Variants in DBH observed in about 807,000 individuals in gnomAD.
DBH encodes dopamine beta-hydroxylase.
Under a neutral mutation model 64.0 loss-of-function variants are expected in DBH, and 49 were observed. The observed-to-expected ratio is 0.77, with a 90% CI of 0.61 to 0.97. The LOEUF (loss-of-function observed/expected upper bound fraction) is 0.97, where lower values mean the gene tolerates loss of function less well. DBH is among the 50% of genes least tolerant of loss of function. The pLI is 0.00. For missense variants in DBH, 828 were observed against 826.6 expected (o/e 1.00, Z -0.02); for synonymous variants, 343 against 347.1 (o/e 0.99, Z 0.13).
chr9:133,651,394 G>A (rs898498503), intron 6 of DBH, among the ~76,000 whole-genome samples: 2 of 152,234 alleles, frequency 1.3e-5, no homozygotes, highest in Admixed American at 6.5e-5. Flanking sequence ...AAAGAAAGTC[G>A]CTCCTGAGTG....
At position 133,642,572 on chromosome 9, in the gene DBH, T is replaced by A. The variant is rs1428988265; in HGVS notation, c.744+108T>A. On this transcript the variant is annotated intron_variant, in intron 3 of 11. Coordinates refer to ENST00000393056, the MANE Select transcript of DBH (RefSeq NM_000787.4). ...TCCACAGTCCTGGTTGGACCAGGTG[T>A]CCTCTTATCACTGGAACCTCAGGCA... The A allele has an allele frequency of 3.6e-6, 5 of 1,391,366 alleles. No individual in the cohort carries two copies. The African/African-American group carries it at 7.1e-5, about 20-fold the overall frequency. 86.2% of individuals were successfully genotyped at this position (1,391,366 alleles called of 1,614,324 possible).
At chr9:133,657,610 G>T (rs1225032373) in intron 11 of DBH, among the ~76,000 whole-genome samples, 1 of 152,190 alleles carries the variant, frequency 6.6e-6, no homozygotes, top group Non-Finnish European at 1.5e-5. Context: ...CCAAATGCAG[G>T]TGGTGTGAGC....
At chr9:133,652,743 T>C (rs1226945086) in intron 8 of DBH, among the ~76,000 whole-genome samples, 197 bp from the exon 9 acceptor site, 1 of 152,082 alleles carries the variant, frequency 6.6e-6, no homozygotes, top group Non-Finnish European at 1.5e-5. Context: ...CAGGAGCTGA[T>C]GGTTTATAAC....
chr9:133,638,237 C>A (rs1182453856), intron 1 of DBH, among the ~76,000 whole-genome samples: 1 of 152,232 alleles, frequency 6.6e-6, no homozygotes. Context: ...TGATTTCCAG[C>A]TGAAATATCA....
Position 133,643,486 on chromosome 9 carries a change from T to C in DBH, c.818T>C (p.Met273Thr). Residue 273 changes from methionine to threonine, a missense_variant, in exon 4 of 12, where the codon ATG becomes ACG. Met to Thr is a moderately conservative substitution (Grantham distance 81). Coordinates refer to ENST00000393056, the MANE Select transcript of DBH (RefSeq NM_000787.4). The surrounding 1 kb of genome is among the most constrained non-coding windows in gnomAD (Gnocchi z 5.3). Reference protein sequence around the residue: ...HMEVFQCAPEMDSVPHFSGPC... With the variant: ...HMEVFQCAPETDSVPHFSGPC... ...GAAGTCTTCCAGTGCGCCCCCGAGATGGACAGCGTCCCCCACTTCAGCGGG... is the reference window on the plus strand; with the variant it reads ...GAAGTCTTCCAGTGCGCCCCCGAGACGGACAGCGTCCCCCACTTCAGCGGG... The C allele has an allele frequency of 1.2e-6, 2 of 1,612,830 alleles. No homozygotes were observed. The highest frequency in any genetic ancestry group is 1.7e-6 in the Non-Finnish European group (2 of 1,179,700).
chr9:133,650,476 TTTTCTTTTTC>T (rs1315571886), intron 6 of DBH, among the ~76,000 whole-genome samples: 8 of 144,162 alleles, frequency 5.5e-5, no homozygotes, highest in Admixed American at 2.0e-4. Flanking sequence ...TTTTCTTTCT[TTTTCTTTTTC>T]TTTCTTTTCT....
rs1391164918 is a variant in DBH, at chr9:133,652,368, G to C, written c.1374+84G>C. On this transcript the variant is annotated intron_variant, in intron 8 of 11. Transcript: ENST00000393056. ...GGCTGGGGGTGCCACCAGAAGGAGA[G>C]GGACACAGAAAGTGATAGGGGGAGG... is the stretch of plus-strand genomic sequence containing the variant. The C allele has an allele frequency of 2.6e-6, 4 of 1,521,636 alleles. No homozygotes were observed. In the African/African-American group the frequency reaches 4.1e-5, roughly 16 times the overall value. 94.3% of individuals were successfully genotyped at this position (1,521,636 alleles called of 1,614,324 possible). A position where few individuals can be genotyped will look rare whatever the true frequency, so the allele number is the denominator to read the frequency against.
At position 133,647,995 on chromosome 9, in the gene DBH, G is replaced by C. The variant is rs141163252; in HGVS notation, c.1174G>C (p.Asp392His). The change falls in exon 6 of 12, where the codon GAC (aspartate) becomes CAC (histidine). Residue 392 changes from aspartate (D) to histidine (H), a missense_variant. Asp to His is a moderately conservative substitution (Grantham distance 81). Transcript: ENST00000393056. ...TAFILTGYCT[D>H]KCTQLALPPS... ...CTTCATCCTCACTGGCTACTGCACG[G>C]ACAAGTGCACCCAGCTGGTGAGTGG... 4 of 1,612,916 alleles carry C rather than the reference G, an allele frequency of 2.5e-6. No individual in the cohort carries two copies. The highest frequency in any genetic ancestry group is 3.4e-6 in the Non-Finnish European group (4 of 1,179,766).
At position 133,643,681 on chromosome 9, in the gene DBH, T is replaced by A; in HGVS notation, c.921+92T>A. The A allele has an allele frequency of 6.8e-7, 1 of 1,474,176 alleles. No homozygotes were observed. The allele number at this position is 1,474,176 out of a possible 1,614,324, so 91.3% of individuals were successfully genotyped here. ...TCCCCAGCTTCACCGTCTCAGAGGCTTCAAGAAGGGGCTCCCAAGGGGGCT... is the reference window on the plus strand; with the variant it reads ...TCCCCAGCTTCACCGTCTCAGAGGCATCAAGAAGGGGCTCCCAAGGGGGCT... On this transcript the variant is annotated intron_variant, in intron 4 of 11. Coordinates refer to ENST00000393056, the MANE Select transcript of DBH (RefSeq NM_000787.4). The surrounding 1 kb of genome is among the most constrained non-coding windows in gnomAD (Gnocchi z 5.3).
rs1429914888 is a variant in DBH, at chr9:133,639,866, G to T, written c.360G>T (p.Lys120Asn). The T allele has an allele frequency of 6.2e-7, 1 of 1,611,976 alleles. No individual in the cohort carries two copies. Among genetic ancestry groups the T allele is most frequent in the African/African-American group, 1.3e-5 (1 of 74,904 alleles). ...AYFADAWSDQ[K>N]GQIHLDPQQD... is the part of the protein sequence containing the mutation. ...TGCAGGACGCCTGGAGTGACCAGAA[G>T]GGGCAGATCCACCTGGATCCCCAGC... Residue 120 changes from lysine (K) to asparagine (N), a missense_variant, in exon 2 of 12, where the codon AAG (lysine) becomes AAT (asparagine). Transcript: ENST00000393056.
At position 133,637,771 on chromosome 9, in the gene DBH, G is replaced by C. The variant is rs565087188; in HGVS notation, c.339+1061G>C. The stretch of plus-strand genomic sequence containing the variant: ...TTGCCCCCTCCAATTCCCAAGACTC[G>C]GCCAGGAGGCACTTGCCTGTGTCGC... On this transcript the variant is annotated intron_variant, in intron 1 of 11. Transcript: ENST00000393056. 5.3e-4 allele frequency among the ~76,000 whole-genome samples: 80 copies of C among 152,280 alleles called. No individual in the cohort carries two copies. The Middle Eastern group carries it at 0.01, about 19-fold the overall frequency.
At chr9:133,645,001 A>T (rs1402718645) in intron 5 of DBH, among the ~76,000 whole-genome samples, 1 of 152,240 alleles carries the variant, frequency 6.6e-6, no homozygotes, top group African/African-American at 2.4e-5. Flanking sequence ...GCAGAAGCAC[A>T]CACATGCACA....
At chr9:133,648,835 G>A (rs1832213372) in intron 6 of DBH, among the ~76,000 whole-genome samples, 2 of 152,208 alleles carry the variant, frequency 1.3e-5, no homozygotes, top group Admixed American at 1.3e-4. Context: ...TCAGTGTCTA[G>A]GCTGTTCTCA....
intron 5 of DBH, among the ~76,000 whole-genome samples, chr9:133,645,693 T>C (rs1832173618): frequency 2.0e-5 from 3 of 152,140 alleles, no homozygotes; most frequent in Admixed American, 2.0e-4. Flanking sequence ...GGAGTTGTTT[T>C]GGCCTCATCT....
chr9:133,645,935 C>T (rs1832176060), intron 5 of DBH, among the ~76,000 whole-genome samples: 2 of 152,086 alleles, frequency 1.3e-5, no homozygotes, highest in Non-Finnish European at 2.9e-5. Context: ...TTTTGGCACC[C>T]AGGGAAGATG....
Position 133,651,658 on chromosome 9 carries a change from A to G in DBH, c.1216A>G (p.Ile406Val), listed in dbSNP as rs772730541. The G allele has an allele frequency of 1.9e-6, 3 of 1,613,788 alleles. No individual in the cohort carries two copies. The highest frequency in any genetic ancestry group is 2.2e-5 in the East Asian group (1 of 44,880). Reference sequence around the variant, plus strand: ...GGCACTGCCTCCCTCCGGGATCCACATCTTCGCCTCTCAGCTCCACACACA... The same window carrying G: ...GGCACTGCCTCCCTCCGGGATCCACGTCTTCGCCTCTCAGCTCCACACACA... Reference protein sequence around the residue: ...QLALPPSGIHIFASQLHTHLT... With the variant: ...QLALPPSGIHVFASQLHTHLT... The change falls in exon 7 of 12, where the codon ATC becomes GTC. Residue 406 changes from isoleucine to valine, a missense_variant. By Grantham distance (29) the Ile-to-Val change is conservative (BLOSUM62 3). Transcript: ENST00000393056.
chr9:133,639,500 G>T (rs962177945), intron 1 of DBH, among the ~76,000 whole-genome samples: 5 of 152,246 alleles, frequency 3.3e-5, no homozygotes, highest in East Asian at 1.9e-4. Context: ...GGAGCCTCAG[G>T]CATCTTCTTA....
intron 11 of DBH, 44 bp from the exon 12 acceptor site, chr9:133,658,272 T>C (rs1360796816): frequency 1.2e-6 from 2 of 1,611,648 alleles, no homozygotes; most frequent in Non-Finnish European, 1.7e-6. Flanking sequence ...GCCACCCATC[T>C]TGCCCCTCCA....
chr9:133,657,895 C>A (rs1832356272), intron 11 of DBH, among the ~76,000 whole-genome samples: 1 of 152,146 alleles, frequency 6.6e-6, no homozygotes, highest in South Asian at 2.1e-4. Flanking sequence ...TCCTCAGCAC[C>A]AAGGGAAGGA....
Sources: gnomAD v4.1 joint callset for allele counts (sites outside exome capture counted in the v4.1 genomes callset) on GRCh38, gnomAD v4.1.1 for gene constraint, Gnocchi (gnomAD v3.1) non-coding constraint, MANE v1.5 for transcripts, NCBI Gene and HGNC (gene_info 2026-07-23, HGNC 2026-07-21) for gene names.